The following LRP1B variants were observed in gnomAD, a reference collection of about 807,000 sequenced individuals.
LRP1B encodes the protein low-density lipoprotein receptor-related protein 1B.
A neutral mutation model predicts 556.6 loss-of-function variants in LRP1B; 217 were observed. That is an observed-to-expected ratio of 0.39 (90% CI 0.35 to 0.44). LRP1B has a LOEUF of 0.44. Among genes scored for constraint, LRP1B ranks in the 20% least tolerant of loss-of-function variants. The probability of loss-of-function intolerance (pLI) is 1.00; values close to 1 mark genes in which losing one functional copy is unlikely to be tolerated. For synonymous variants in LRP1B, 2,047 were observed against 1,865.8 expected, an observed-to-expected ratio of 1.10 and a Z score of -2.50; for missense variants, 5,053 against 5,620.8, an observed-to-expected ratio of 0.90 and a Z score of 3.23.
intron 41 of LRP1B, among the ~76,000 whole-genome samples, chr2:140,677,440 A>G (rs1227842097): frequency 6.6e-6 from 1 of 152,132 alleles, no homozygotes; most frequent in African/African-American, 2.4e-5. Context: ...CTTTAGGAGG[A>G]GGCTTACTGA....
At chr2:140,719,166 C>T (rs1019386130) in intron 35 of LRP1B, among the ~76,000 whole-genome samples, 1 of 152,008 alleles carries the variant, frequency 6.6e-6, no homozygotes, top group East Asian at 1.9e-4. Context: ...ACATAATAAG[C>T]TCAAAGTAAG....
At chr2:142,096,041 T>C (rs185857926) in intron 1 of LRP1B, among the ~76,000 whole-genome samples, 1 of 151,868 alleles carries the variant, frequency 6.6e-6, no homozygotes, top group East Asian at 1.9e-4. Context: ...TCCACTTAAC[T>C]ATTTTTTGTG....
At chr2:141,112,737 T>C (rs910776905) in intron 7 of LRP1B, among the ~76,000 whole-genome samples, 3 of 152,198 alleles carry the variant, frequency 2.0e-5, no homozygotes, top group East Asian at 1.9e-4. Flanking sequence ...AATGATTTAG[T>C]ATTCACTAAT....
chr2:141,387,335 C>T (rs539677402), intron 3 of LRP1B, among the ~76,000 whole-genome samples: 1 of 151,842 alleles, frequency 6.6e-6, no homozygotes, highest in African/African-American at 2.4e-5. Flanking sequence ...GATTAGAGCA[C>T]AGATAAATGA....
intron 66 of LRP1B, among the ~76,000 whole-genome samples, chr2:140,433,346 C>T (rs957711484): frequency 1.3e-5 from 2 of 152,124 alleles, no homozygotes; most frequent in Non-Finnish European, 2.9e-5. Context: ...GATCTGCCCG[C>T]CTCAGCCTCC....
chr2:140,918,628 G>A (rs1468009584), intron 21 of LRP1B, among the ~76,000 whole-genome samples: 1 of 152,018 alleles, frequency 6.6e-6, no homozygotes, highest in Non-Finnish European at 1.5e-5. Flanking sequence ...TCCCACTGTG[G>A]TTTTGAACCA....
At chr2:142,114,249 T>A (rs1366915754) in intron 1 of LRP1B, among the ~76,000 whole-genome samples, 1 of 152,154 alleles carries the variant, frequency 6.6e-6, no homozygotes, top group Non-Finnish European at 1.5e-5. Context: ...AAAACGTATC[T>A]ATATTTTTCC....
intron 27 of LRP1B, among the ~76,000 whole-genome samples, chr2:140,856,659 G>A (rs1227500422): frequency 6.6e-6 from 1 of 152,048 alleles, no homozygotes; most frequent in Non-Finnish European, 1.5e-5. Flanking sequence ...ACAAGACAGA[G>A]GGCTGAATTT....
intron 2 of LRP1B, among the ~76,000 whole-genome samples, chr2:141,641,865 T>TTA (rs1410617377): frequency 6.6e-6 from 1 of 152,180 alleles, no homozygotes; most frequent in East Asian, 1.9e-4. Context: ...AAAAGTTATA[T>TTA]TATATATTGA....
intron 66 of LRP1B, among the ~76,000 whole-genome samples, chr2:140,404,710 T>C (rs925117305): frequency 3.3e-5 from 5 of 152,126 alleles, no homozygotes; most frequent in African/African-American, 1.2e-4. Context: ...CAAGGATTCA[T>C]ATAAACTCAA....
At chr2:141,741,352 TTA>T (rs1693697718) in intron 2 of LRP1B, among the ~76,000 whole-genome samples, 1 of 150,956 alleles carries the variant, frequency 6.6e-6, no homozygotes, top group South Asian at 2.1e-4. Context: ...AGCTCTAATT[TTA>T]GTTTTTTTGA....
At position 141,188,460 on chromosome 2, in the gene LRP1B, A is replaced by T. The variant is rs2105193141; in HGVS notation, c.974T>A (p.Leu325His). 1 of 1,612,642 alleles carries T rather than the reference A, an allele frequency of 6.2e-7. No individual in the cohort carries two copies. Among genetic ancestry groups the T allele is most frequent in the Non-Finnish European group, 8.5e-7 (1 of 1,179,162 alleles). The part of the protein sequence containing the change: ...SVCVTLIDLE[L>H]HNPKAIAVDP... ...TACTGCTATTGCTTTAGGATTGTGA[A>T]GCTCCAGATCAATCAGGGTGACACA... The change falls in exon 7 of 91, where the codon CTT becomes CAT. Residue 325 changes from leucine (L) to histidine (H), a missense_variant. By Grantham distance (99) the Leu-to-His change is moderately conservative. Coordinates refer to ENST00000389484, the MANE Select transcript of LRP1B (RefSeq NM_018557.3).
chr2:140,714,878 C>T (rs1434120460), intron 37 of LRP1B, among the ~76,000 whole-genome samples: 1 of 151,992 alleles, frequency 6.6e-6, no homozygotes, highest in Non-Finnish European at 1.5e-5. Context: ...GTACAGCTAC[C>T]AGGCAAATCA....
chr2:140,664,191 A>G (rs1685190219), intron 41 of LRP1B, among the ~76,000 whole-genome samples: 1 of 152,226 alleles, frequency 6.6e-6, no homozygotes, highest in African/African-American at 2.4e-5. Flanking sequence ...AAAGACTGAA[A>G]TATTGCAAGA....
intron 84 of LRP1B, among the ~76,000 whole-genome samples, chr2:140,278,962 C>T (rs893525814): frequency 2.0e-4 from 30 of 152,060 alleles, no homozygotes; most frequent in African/African-American, 7.0e-4. Context: ...ATATTTGAAG[C>T]ATGTGGAAGC....
chr2:140,777,050 A>C (rs557029997), intron 32 of LRP1B, among the ~76,000 whole-genome samples: 2 of 152,324 alleles, frequency 1.3e-5, no homozygotes, highest in South Asian at 4.1e-4. Flanking sequence ...CCAAGACTCC[A>C]TGAGAGGCTT....
At chr2:140,673,794 C>T (rs956665394) in intron 41 of LRP1B, among the ~76,000 whole-genome samples, 2 of 152,016 alleles carry the variant, frequency 1.3e-5, no homozygotes, top group South Asian at 2.1e-4. Context: ...CCTCACTATA[C>T]CCTCTCCCTT....
chr2:140,844,288 T>C (rs1692208928), intron 29 of LRP1B, among the ~76,000 whole-genome samples: 1 of 152,152 alleles, frequency 6.6e-6, no homozygotes, highest in Admixed American at 6.6e-5. Context: ...GGTCCCAAAG[T>C]CCTGACCTCA....
chr2:141,398,458 G>A (rs1020338995), intron 3 of LRP1B, among the ~76,000 whole-genome samples: 13 of 152,150 alleles, frequency 8.5e-5, no homozygotes, highest in Non-Finnish European at 1.5e-4. Context: ...GGTCTAAAAT[G>A]ATGTTATTAA....
Sources: gnomAD v4.1 joint callset for allele counts (sites outside exome capture counted in the v4.1 genomes callset) on GRCh38, gnomAD v4.1.1 for gene constraint, MANE v1.5 for transcripts, NCBI Gene and HGNC (gene_info 2026-07-23, HGNC 2026-07-21) for gene names.